UST: variants seen among roughly 807,000 people sequenced by gnomAD.
UST encodes the protein uronyl 2-sulfotransferase.
UST carries 21 observed loss-of-function variants against 45.6 expected under a neutral mutation model. That is an observed-to-expected ratio of 0.46 (90% CI 0.33 to 0.66). The LOEUF is 0.66. Ranked by LOEUF, UST falls within the 30% of genes least tolerant of loss-of-function variation. The pLI is 0.02. For missense variants in UST, 463 were observed against 512.4 expected (o/e 0.90, Z 0.93); for synonymous variants, 215 against 200.6 (o/e 1.07, Z -0.61).
intron 4 of UST, among the ~76,000 whole-genome samples, chr6:148,962,734 G>A (rs1780689016): frequency 6.6e-6 from 1 of 152,132 alleles, no homozygotes; most frequent in Admixed American, 6.5e-5. Context: ...AGTATTTAAG[G>A]GCTCCAGGGT....
chr6:148,849,867 GA>G (rs1296763523), intron 1 of UST, among the ~76,000 whole-genome samples: 3 of 152,094 alleles, frequency 2.0e-5, no homozygotes, highest in African/African-American at 7.2e-5. Flanking sequence ...CAGACCGAAA[GA>G]GCAATTTTAT....
In UST at chr6:148,887,028, A is replaced by C; in HGVS notation, c.290A>C (p.Lys97Thr). The C allele has an allele frequency of 6.2e-7, 1 of 1,612,184 alleles. No individual in the cohort carries two copies. Among genetic ancestry groups the C allele is most frequent in the Non-Finnish European group, 8.5e-7 (1 of 1,179,014 alleles). ...YLDDHGPPPSKVLPFPSQVVY... is the reference protein window; with the variant it reads ...YLDDHGPPPSTVLPFPSQVVY... ...GATGACCATGGACCACCTCCTAGTA[A>C]GGTAAGATCTTTGCTTGTGATATAA... is the stretch of plus-strand genomic sequence containing the variant. The change falls in exon 2 of 8, where the codon AAG becomes ACG. Residue 97 changes from lysine (K) to threonine (T), a missense_variant and splice_region_variant. Coordinates refer to ENST00000367463, the MANE Select transcript of UST (RefSeq NM_005715.3).
chr6:148,785,842 A>G (rs9485330), intron 1 of UST, among the ~76,000 whole-genome samples: 44,173 of 152,082 alleles, frequency 0.29, 6,722 homozygotes, highest in Middle Eastern at 0.43. Flanking sequence ...TAGTTCCTTA[A>G]AATATACATT....
At chr6:149,045,033 C>A (rs1776378515) in intron 7 of UST, among the ~76,000 whole-genome samples, 1 of 152,118 alleles carries the variant, frequency 6.6e-6, no homozygotes. Context: ...TGATAAGTAC[C>A]ATTTTTTTTA....
chr6:148,823,814 G>A (rs1777514903), intron 1 of UST, among the ~76,000 whole-genome samples: 1 of 152,154 alleles, frequency 6.6e-6, no homozygotes, highest in Non-Finnish European at 1.5e-5. Context: ...TGAATGAAAG[G>A]AGAAAAATCA....
chr6:148,894,825 T>TTTTTC (rs1554224136), intron 2 of UST, among the ~76,000 whole-genome samples: 4 of 118,170 alleles, frequency 3.4e-5, no homozygotes, highest in African/African-American at 1.5e-4. Context: ...TTTTTTTTTT[T>TTTTTC]TTTTTTTTTT....
chr6:148,913,075 A>G (rs1434251821), intron 2 of UST, among the ~76,000 whole-genome samples: 2 of 150,494 alleles, frequency 1.3e-5, no homozygotes, highest in Non-Finnish European at 3.0e-5. Context: ...GAGATCTCAA[A>G]TAACTTTGTG....
At chr6:148,957,660 C>T (rs1251534596) in intron 4 of UST, among the ~76,000 whole-genome samples, 1 of 152,256 alleles carries the variant, frequency 6.6e-6, no homozygotes, top group Admixed American at 6.5e-5. Context: ...CCTCAAAACT[C>T]ATGGCCTCAA....
intron 1 of UST, among the ~76,000 whole-genome samples, chr6:148,832,268 CT>C (rs1562271285): frequency 6.6e-6 from 1 of 152,162 alleles, no homozygotes; most frequent in African/African-American, 2.4e-5. Context: ...TATTAATTGA[CT>C]TTAAACCAAA....
chr6:148,812,915 T>C (rs1777286397), intron 1 of UST, among the ~76,000 whole-genome samples: 1 of 152,190 alleles, frequency 6.6e-6, no homozygotes, highest in Admixed American at 6.5e-5. Flanking sequence ...TAAACATCTT[T>C]CAAAAAATTC....
intron 1 of UST, among the ~76,000 whole-genome samples, chr6:148,858,456 C>T (rs146599051): frequency 0.011 from 1,620 of 151,848 alleles, 45 homozygotes; most frequent in Admixed American, 0.057. Context: ...CAAATGGCAA[C>T]ACCCTCACAG....
chr6:148,835,293 A>G (rs1777765970), intron 1 of UST, among the ~76,000 whole-genome samples: 2 of 152,288 alleles, frequency 1.3e-5, no homozygotes, highest in South Asian at 2.1e-4. Flanking sequence ...TGCAAATACT[A>G]TGCCATATAA....
At chr6:148,980,802 C>T (rs1237429501) in intron 5 of UST, among the ~76,000 whole-genome samples, 1 of 152,106 alleles carries the variant, frequency 6.6e-6, no homozygotes, top group Non-Finnish European at 1.5e-5. Context: ...TCGCTGCAGC[C>T]TCTACCTCCC....
chr6:149,012,360 A>G (rs987963768), intron 5 of UST, among the ~76,000 whole-genome samples: 1 of 152,194 alleles, frequency 6.6e-6, no homozygotes, highest in Non-Finnish European at 1.5e-5. Flanking sequence ...GTATGAGGCA[A>G]TAAAAGTTAA....
chr6:148,941,343 T>G lies in UST; in HGVS notation c.356T>G (p.Val119Gly). The G allele has an allele frequency of 3.1e-6, 5 of 1,613,020 alleles. No homozygotes were observed. The highest frequency in any genetic ancestry group is 4.2e-6 in the Non-Finnish European group (5 of 1,179,832). ...RVGKCGSRTVVLLLRILSEKH... is the reference protein window; with the variant it reads ...RVGKCGSRTVGLLLRILSEKH... The stretch of plus-strand genomic sequence containing the variant: ...GGCAAGTGTGGGAGCCGTACTGTGG[T>G]CTTGCTTCTGAGAATCTTGTCGGAG... The change falls in exon 3 of 8, where the codon GTC (valine) becomes GGC (glycine). Residue 119 changes from valine (V) to glycine (G), a missense_variant. Around this residue, in one of 2 missense-constraint regions of UST, gnomAD observed 287 missense variants for 374.2 expected, o/e 0.77. Coordinates refer to ENST00000367463, the MANE Select transcript of UST (RefSeq NM_005715.3).
chr6:149,020,045 A>G (rs535420181), intron 6 of UST, among the ~76,000 whole-genome samples: 1 of 152,366 alleles, frequency 6.6e-6, no homozygotes, highest in East Asian at 1.9e-4. Context: ...AAGTGACATT[A>G]TTCCCCAAAG....
chr6:149,069,064 G>T (rs938922916), intron 7 of UST, among the ~76,000 whole-genome samples: 1 of 152,190 alleles, frequency 6.6e-6, no homozygotes, highest in Admixed American at 6.5e-5. Context: ...TGATGCAAAT[G>T]ACATGATTTC....
chr6:148,765,233 A>G (rs892835070), intron 1 of UST, among the ~76,000 whole-genome samples: 1 of 152,008 alleles, frequency 6.6e-6, no homozygotes, highest in Non-Finnish European at 1.5e-5. Flanking sequence ...TCCTTTCCCC[A>G]TTGTATATTT....
chr6:148,927,141 A>G (rs1455355094), intron 2 of UST, among the ~76,000 whole-genome samples: 1 of 151,968 alleles, frequency 6.6e-6, no homozygotes, highest in Non-Finnish European at 1.5e-5. Flanking sequence ...GTACAGTTGC[A>G]AAGAGAGAGA....
Sources: gnomAD v4.1 joint callset for allele counts (sites outside exome capture counted in the v4.1 genomes callset) on GRCh38, gnomAD v4.1.1 for gene constraint, gnomAD v4.1.1 regional missense constraint, MANE v1.5 for transcripts, NCBI Gene and HGNC (gene_info 2026-07-23, HGNC 2026-07-21) for gene names.